Variants in BAIAP2L2 observed in about 807,000 individuals in gnomAD.
BAIAP2L2 encodes BAR/IMD domain containing adaptor protein 2 like 2.
In BAIAP2L2, 65 loss-of-function variants were observed where a neutral mutation model predicts 60.4. That is an observed-to-expected ratio of 1.08 (90% CI 0.88 to 1.32). The LOEUF is 1.32. Ranked by LOEUF, BAIAP2L2 falls within the 40% of genes most tolerant of loss-of-function variation. BAIAP2L2 has a pLI of 0.00. For missense variants in BAIAP2L2, 836 were observed against 741.2 expected (o/e 1.13, Z -1.48); for synonymous variants, 344 against 301.7 (o/e 1.14, Z -1.45).
chr22:38,101,436 A>C (rs2086566073), intron 4 of BAIAP2L2, among the ~76,000 whole-genome samples: 1 of 143,484 alleles, frequency 7.0e-6, no homozygotes, highest in South Asian at 2.2e-4. Context: ...GGTCCTAGCT[A>C]CTTGGGAGGC....
At position 38,109,218 on chromosome 22, in the gene BAIAP2L2, A is replaced by G. The variant is rs1357978635; in HGVS notation, c.52-10T>C. On this transcript the variant is annotated splice_polypyrimidine_tract_variant and intron_variant, in intron 1 of 13. Transcript: ENST00000381669. ...ACTGCTCCATGATGCTCTGGACCCC[A>G]GGGTCAGGGGAGGAAAAAGGTGTAG... is the stretch of plus-strand genomic sequence containing the variant. 1 of 1,605,822 alleles carries G rather than the reference A, an allele frequency of 6.2e-7. No individual in the cohort carries two copies. The highest frequency in any genetic ancestry group is 8.5e-7 in the Non-Finnish European group (1 of 1,173,024).
Position 38,086,389 on chromosome 22 carries a change from G to T in BAIAP2L2, c.1320C>A (p.Ser440=), listed in dbSNP as rs1292611520. The change falls in exon 12 of 14, where the codon TCC becomes TCA. Residue 440 remains serine (S), a synonymous_variant. Coordinates refer to ENST00000381669, the MANE Select transcript of BAIAP2L2 (RefSeq NM_025045.6). Reference sequence around the variant, plus strand: ...CATCCCAGTACTCCGAGGGTGCTATGGAGTTGCCCGGCCGGTCCAGGAGGT... The same window carrying T: ...CATCCCAGTACTCCGAGGGTGCTATTGAGTTGCCCGGCCGGTCCAGGAGGT... ...LDDLLDRPGN[S]IAPSEYWDGQ... 11 of 1,540,028 alleles carry T rather than the reference G, an allele frequency of 7.1e-6. No individual in the cohort carries two copies. The highest frequency in any genetic ancestry group is 1.9e-5 in the Admixed American group (1 of 52,920).
At chr22:38,087,942 A>G (rs1162501849) in intron 10 of BAIAP2L2, among the ~76,000 whole-genome samples, 1 of 137,648 alleles carries the variant, frequency 7.3e-6, no homozygotes, top group East Asian at 2.1e-4. Context: ...ACCTCCACCT[A>G]CCCAGACGCA....
intron 4 of BAIAP2L2, among the ~76,000 whole-genome samples, chr22:38,102,197 G>A (rs1280973472): frequency 4.6e-5 from 7 of 152,208 alleles, no homozygotes; most frequent in East Asian, 1.9e-4. Flanking sequence ...AGGGGCTGGA[G>A]TAGTCGAGCC....
intron 11 of BAIAP2L2, among the ~76,000 whole-genome samples, 174 bp from the exon 12 acceptor site, chr22:38,086,623 G>A (rs952451682): frequency 1.3e-5 from 2 of 151,580 alleles, no homozygotes; most frequent in Admixed American, 6.5e-5. Context: ...AGGGATGGAC[G>A]CAGTGACCTT....
intron 10 of BAIAP2L2, 31 bp from the exon 11 acceptor site, chr22:38,087,295 A>T (rs748109487): frequency 6.9e-6 from 11 of 1,583,966 alleles, no homozygotes; most frequent in Non-Finnish European, 9.4e-6. Flanking sequence ...ACAATGACCA[A>T]AAGAAGCCAG....
At chr22:38,089,816 C>G (rs879416376) in intron 7 of BAIAP2L2, 142 bp from the exon 8 acceptor site, 14 of 836,656 alleles carry the variant, frequency 1.7e-5, no homozygotes, top group African/African-American at 1.1e-4. Flanking sequence ...GAGCCAGAAG[C>G]CAGCTCACCG....
intron 4 of BAIAP2L2, among the ~76,000 whole-genome samples, chr22:38,104,171 A>C (rs2086618138): frequency 6.6e-6 from 1 of 151,840 alleles, no homozygotes; most frequent in Non-Finnish European, 1.5e-5. Flanking sequence ...GATAAGGGGA[A>C]GGGTCTCTTT....
At chr22:38,090,812 T>C (rs750799092) in intron 7 of BAIAP2L2, 8 of 152,168 alleles carry the variant, frequency 5.3e-5, no homozygotes, top group Non-Finnish European at 8.8e-5. Flanking sequence ...GACTACACTT[T>C]CAATGATTTC....
chr22:38,086,715 C>G (rs1342325981), intron 11 of BAIAP2L2, among the ~76,000 whole-genome samples: 1 of 151,872 alleles, frequency 6.6e-6, no homozygotes, highest in Admixed American at 6.6e-5. Context: ...CACCTTGCCA[C>G]CTGGGTGCAG....
At chr22:38,109,734 C>G (rs1364166417) in intron 1 of BAIAP2L2, among the ~76,000 whole-genome samples, 1 of 152,058 alleles carries the variant, frequency 6.6e-6, no homozygotes, top group Non-Finnish European at 1.5e-5. Flanking sequence ...GGGCAGAGAG[C>G]TCCCCGGATG....
At chr22:38,099,781 C>T (rs1165945135) in intron 4 of BAIAP2L2, among the ~76,000 whole-genome samples, 2 of 152,196 alleles carry the variant, frequency 1.3e-5, no homozygotes, top group African/African-American at 2.4e-5. Flanking sequence ...GGCCCTCCCG[C>T]CTCTGCGCAG....
chr22:38,088,569 C>T (rs1329559220), intron 10 of BAIAP2L2, among the ~76,000 whole-genome samples, 179 bp downstream of exon 10: 1 of 152,236 alleles, frequency 6.6e-6, no homozygotes, highest in Non-Finnish European at 1.5e-5. Context: ...GGCGGCTCTT[C>T]CTACTCCCAC....
chr22:38,088,095 T>G (rs1426000862), intron 10 of BAIAP2L2, among the ~76,000 whole-genome samples: 2 of 152,038 alleles, frequency 1.3e-5, no homozygotes, highest in African/African-American at 4.8e-5. Flanking sequence ...GCAGCAGGAG[T>G]GGGCACCGTA....
chr22:38,105,339 C>CTTTTTTTTTTTT (rs1035690122), intron 4 of BAIAP2L2, among the ~76,000 whole-genome samples: 4 of 95,008 alleles, frequency 4.2e-5, no homozygotes, highest in African/African-American at 1.4e-4. Context: ...TTTTTCTTTT[C>CTTTTTTTTTTTT]TTTTTTTTTT....
rs1040060996 is a variant in BAIAP2L2, at chr22:38,089,655, T to A, written c.632A>T (p.Asn211Ile). Residue 211 changes from asparagine to isoleucine, a missense_variant, in exon 8 of 14, where the codon AAC becomes ATC. By Grantham distance (149) the Asn-to-Ile change is moderately radical (BLOSUM62 -3). Coordinates refer to ENST00000381669, the MANE Select transcript of BAIAP2L2 (RefSeq NM_025045.6). ...CTGCTCCTTCCACAGCAGCACGCGG[T>A]TCTGGAGCATCCCCCGGGCCTGGCC... Reference protein sequence around the residue: ...FFGRARGMLQNRVLLWKEQSE... With the variant: ...FFGRARGMLQIRVLLWKEQSE... 2.0e-5 allele frequency: 24 copies of A among 1,230,386 alleles called. No homozygotes were observed. The African/African-American group carries it at 3.7e-4, about 19-fold the overall frequency. The allele number at this position is 1,230,386 out of a possible 1,614,324, so 76.2% of individuals were successfully genotyped here.
At chr22:38,104,328 C>T (rs556465170) in intron 4 of BAIAP2L2, among the ~76,000 whole-genome samples, 9 of 152,202 alleles carry the variant, frequency 5.9e-5, no homozygotes, top group Non-Finnish European at 1.0e-4. Context: ...GGCAAGGCTC[C>T]GGATCCAGAG....
At chr22:38,105,541 C>T (rs1190178764) in intron 4 of BAIAP2L2, among the ~76,000 whole-genome samples, 1 of 151,952 alleles carries the variant, frequency 6.6e-6, no homozygotes, top group Non-Finnish European at 1.5e-5. Context: ...CAAGGTTTCA[C>T]CATGTTGGCC....
intron 4 of BAIAP2L2, among the ~76,000 whole-genome samples, chr22:38,105,773 T>A (rs2146037718): frequency 6.6e-6 from 1 of 152,314 alleles, no homozygotes; most frequent in East Asian, 1.9e-4. Flanking sequence ...TTACTCACTG[T>A]GGGTTTTTCT....
Sources: gnomAD v4.1 joint callset for allele counts (sites outside exome capture counted in the v4.1 genomes callset) on GRCh38, gnomAD v4.1.1 for gene constraint, MANE v1.5 for transcripts, NCBI Gene and HGNC (gene_info 2026-07-23, HGNC 2026-07-21) for gene names.